The following NIPBL variants were observed in gnomAD, a reference collection of about 807,000 sequenced individuals.
NIPBL encodes nipped-B-like protein.
NIPBL carries 19 observed loss-of-function variants against 321.8 expected under a neutral mutation model. The ratio of observed to expected loss-of-function variants is 0.06; its 90% CI spans 0.04 to 0.09. The LOEUF is 0.09. NIPBL is among the 10% of genes least tolerant of loss of function. NIPBL has a pLI of 1.00. For missense variants in NIPBL, 2,210 were observed against 3,327.0 expected, an observed-to-expected ratio of 0.66 and a Z score of 8.26; for synonymous variants, 1,106 against 1,114.1, an observed-to-expected ratio of 0.99 and a Z score of 0.14.
intron 10 of NIPBL, among the ~76,000 whole-genome samples, chr5:36,987,943 T>A (rs1301838388): frequency 6.6e-6 from 1 of 152,250 alleles, no homozygotes; most frequent in East Asian, 1.9e-4. Context: ...TGGGAGTAGC[T>A]TATATTTATA....
rs1749748642 is a variant in NIPBL, at chr5:37,022,421, A to G, written c.5574+31A>G. The G allele has an allele frequency of 2.5e-6, 4 of 1,575,666 alleles. No individual in the cohort carries two copies. The South Asian group carries it at 3.5e-5, about 14-fold the overall frequency. On this transcript the variant is annotated intron_variant, in intron 29 of 46. Transcript: ENST00000282516. ...TTTGTCATTTTTATAATGATTCGTG[A>G]ATATAATTTTGCCTTTCAAGCATCA...
intron 30 of NIPBL, among the ~76,000 whole-genome samples, chr5:37,025,975 G>T (rs917445038): frequency 6.6e-6 from 1 of 151,996 alleles, no homozygotes; most frequent in Non-Finnish European, 1.5e-5. Context: ...TGAGTGTATA[G>T]TATGAAGAAG....
chr5:36,950,432 T>A (rs941336172), intron 1 of NIPBL, among the ~76,000 whole-genome samples: 23 of 152,062 alleles, frequency 1.5e-4, no homozygotes, highest in African/African-American at 4.3e-4. Flanking sequence ...CTTTCCTCAC[T>A]CTTCCATTTT....
chr5:36,990,369 G>C (rs1745361713), intron 10 of NIPBL, among the ~76,000 whole-genome samples: 1 of 152,136 alleles, frequency 6.6e-6, no homozygotes, highest in Non-Finnish European at 1.5e-5. Context: ...AGGATCCTCA[G>C]CTTCTGCAAG....
At chr5:36,955,290 T>A (rs1740814066) in intron 2 of NIPBL, among the ~76,000 whole-genome samples, 182 bp from the exon 3 acceptor site, 1 of 152,216 alleles carries the variant, frequency 6.6e-6, no homozygotes, top group African/African-American at 2.4e-5. Flanking sequence ...TCTATTATGG[T>A]CCAAGTGATG....
At chr5:36,946,261 C>G (rs1739660555) in intron 1 of NIPBL, among the ~76,000 whole-genome samples, 1 of 151,544 alleles carries the variant, frequency 6.6e-6, no homozygotes, top group South Asian at 2.1e-4. Flanking sequence ...ACAGATTTAC[C>G]CTTAGTTTTC....
At chr5:37,001,136 A>G in intron 14 of NIPBL, 58 bp downstream of exon 14, 2 of 1,129,436 alleles carry the variant, frequency 1.8e-6, no homozygotes, top group Non-Finnish European at 1.3e-6. Flanking sequence ...TGTATCCTCT[A>G]GAGTAACTCA....
intron 11 of NIPBL, 44 bp from the exon 12 acceptor site, chr5:37,000,329 T>G: frequency 6.3e-7 from 1 of 1,584,250 alleles, no homozygotes; most frequent in South Asian, 1.1e-5. Context: ...TTTAATCATC[T>G]TTTTAAATGA....
chr5:37,024,829 G>T, intron 30 of NIPBL, 110 bp downstream of exon 30: 10 of 805,494 alleles, frequency 1.2e-5, no homozygotes, highest in South Asian at 4.4e-5. Flanking sequence ...ACAATGAATC[G>T]TTTATAGTTT....
chr5:37,055,356 T>TAAA (rs57488198), intron 42 of NIPBL, among the ~76,000 whole-genome samples: 5,883 of 84,580 alleles, frequency 0.07, 385 homozygotes, highest in African/African-American at 0.16. Context: ...ATCTCAACAG[T>TAAA]AAAAAAAAAA....
chr5:36,891,263 C>CA (rs987539344), intron 1 of NIPBL, among the ~76,000 whole-genome samples: 1 of 151,230 alleles, frequency 6.6e-6, no homozygotes, highest in African/African-American at 2.4e-5. Flanking sequence ...GACTCCATCT[C>CA]AAAAAACAAA....
At chr5:36,924,109 G>C (rs1749166451) in intron 1 of NIPBL, among the ~76,000 whole-genome samples, 1 of 152,064 alleles carries the variant, frequency 6.6e-6, no homozygotes, top group Non-Finnish European at 1.5e-5. Context: ...AACTAAATCA[G>C]ATAACATAGA....
At chr5:36,925,525 CAAAGTTCTGGTATT>C (rs1393419145) in intron 1 of NIPBL, among the ~76,000 whole-genome samples, 1 of 152,066 alleles carries the variant, frequency 6.6e-6, no homozygotes, top group Admixed American at 6.5e-5. Context: ...CTCGGCCTCC[CAAAGTTCTGGTATT>C]AAAGGCATGA....
intron 1 of NIPBL, among the ~76,000 whole-genome samples, chr5:36,890,316 G>A (rs1271119343): frequency 3.3e-5 from 5 of 152,148 alleles, no homozygotes; most frequent in Admixed American, 3.3e-4. Flanking sequence ...TCCTGTAAGT[G>A]GAAGTTGGGT....
At chr5:36,955,225 G>A (rs1740808105) in intron 2 of NIPBL, among the ~76,000 whole-genome samples, 3 of 152,152 alleles carry the variant, frequency 2.0e-5, no homozygotes, top group Admixed American at 2.0e-4. Flanking sequence ...TTTAAGAAAT[G>A]AAAAGCAAGG....
In NIPBL at chr5:36,907,275, T is replaced by C. The variant is rs1454259564; in HGVS notation, c.-80+30097T>C. Among the ~76,000 whole-genome samples the C allele has an allele frequency of 3.3e-5, 5 of 152,298 alleles. No individual in the cohort carries two copies. The East Asian group carries it at 9.6e-4, about 29-fold the overall frequency. The stretch of plus-strand genomic sequence containing the variant: ...TGCGATGTCTTTATTCAAAAAGAAC[T>C]GCTTTGTTCTTGGTCTTATAATTGT... On this transcript the variant is annotated intron_variant, in intron 1 of 46. Coordinates refer to ENST00000282516, the MANE Select transcript of NIPBL (RefSeq NM_133433.4).
At chr5:37,051,572 TA>T in intron 40 of NIPBL, 2 of 589,262 alleles carry the variant, frequency 3.4e-6, no homozygotes, top group Non-Finnish European at 6.0e-6. Flanking sequence ...ATCACGTCAG[TA>T]TTTTTGCTGG....
chr5:36,970,921 A>T lies in NIPBL; in HGVS notation c.656A>T (p.His219Leu). The T allele has an allele frequency of 1.2e-6, 2 of 1,613,632 alleles. No homozygotes were observed. The highest frequency in any genetic ancestry group is 1.7e-6 in the Non-Finnish European group (2 of 1,179,580). The change falls in exon 7 of 47, where the codon CAT (histidine) becomes CTT (leucine). Residue 219 changes from histidine (H) to leucine (L), a missense_variant. His to Leu is a moderately conservative substitution (Grantham distance 99, BLOSUM62 -3). This residue lies in a region of NIPBL where 464 missense variants were observed against 529.5 expected (regional missense o/e 0.88). Transcript: ENST00000282516. ...PIVAGGLRNI[H>L]DNKVSGPLSG... ...GTTGCAGGTGGTTTGAGAAACATAC[A>T]TGATAATAAAGTTTCTGGTCCGTTG...
chr5:37,020,720 A>G (rs377762421), intron 26 of NIPBL, 47 bp downstream of exon 26: 4 of 1,600,868 alleles, frequency 2.5e-6, no homozygotes, highest in African/African-American at 2.7e-5. Context: ...CTTGATATCT[A>G]TTTCCCTAAG....
Sources: allele counts gnomAD v4.1 joint callset (sites outside exome capture counted in the v4.1 genomes callset), GRCh38; gene constraint gnomAD v4.1.1; regional missense constraint gnomAD v4.1.1; transcripts MANE v1.5; gene names NCBI Gene and HGNC (gene_info 2026-07-23, HGNC 2026-07-21).